Variants in ZNF729 observed in about 807,000 individuals in gnomAD.
ZNF729 encodes zinc finger protein 729.
In ZNF729, 15 loss-of-function variants were observed where a neutral mutation model predicts 12.2. That is an observed-to-expected ratio of 1.23 (90% CI 0.82 to 1.89). The LOEUF is 1.89. ZNF729 is among the 40% of genes most tolerant of loss of function. ZNF729 has a pLI of 0.00. For missense variants in ZNF729, 1,540 were observed against 1,456.7 expected (o/e 1.06, Z -0.93); for synonymous variants, 492 against 476.3 (o/e 1.03, Z -0.43).
In ZNF729 at chr19:22,316,835, G is replaced by C. The variant is rs1968552898; in HGVS notation, c.3418G>C (p.Ala1140Pro). 6.2e-7 allele frequency: 1 copy of C among 1,613,012 alleles called. No homozygotes were observed. The highest frequency in any genetic ancestry group is 1.3e-5 in the African/African-American group (1 of 74,912). The change falls in exon 4 of 4, where the codon GCC becomes CCC. Residue 1140 changes from alanine (A) to proline (P), a missense_variant. Transcript: ENST00000601693. The stretch of plus-strand genomic sequence containing the variant: ...CTACAAATGTGAAGAATGTGGCAAA[G>C]CCTTTAGTCAGTCCTCAATCCTTAC... The part of the protein sequence containing the change: ...KPYKCEECGK[A>P]FSQSSILTKH...
At chr19:22,308,280 G>A (rs1418291405) in intron 3 of ZNF729, among the ~76,000 whole-genome samples, 1 of 152,096 alleles carries the variant, frequency 6.6e-6, no homozygotes, top group East Asian at 1.9e-4. Flanking sequence ...TAGGCAATGG[G>A]CATTTGGGTT....
intron 1 of ZNF729, among the ~76,000 whole-genome samples, chr19:22,289,083 G>A (rs537608241): frequency 3.6e-5 from 5 of 139,764 alleles, no homozygotes; most frequent in South Asian, 4.3e-4. Context: ...AGATTTGGTC[G>A]CTTATTTTGA....
chr19:22,292,249 T>C (rs907682161), intron 1 of ZNF729, among the ~76,000 whole-genome samples: 4 of 152,174 alleles, frequency 2.6e-5, no homozygotes, highest in African/African-American at 9.6e-5. Flanking sequence ...TTTGTGTCCA[T>C]GTGTTATTAT....
At chr19:22,313,616 G>A in intron 3 of ZNF729, 55 bp from the exon 4 acceptor site, 1 of 1,385,004 alleles carries the variant, frequency 7.2e-7, no homozygotes, top group Non-Finnish European at 9.4e-7. Flanking sequence ...GATTTGTAAA[G>A]TATATTCATC....
chr19:22,304,265 T>C (rs1221894080), intron 2 of ZNF729, among the ~76,000 whole-genome samples: 2 of 152,288 alleles, frequency 1.3e-5, no homozygotes, highest in East Asian at 1.9e-4. Context: ...GGTCTTGATC[T>C]GTTGGCCTTG....
At chr19:22,304,414 T>C (rs1968353786) in intron 2 of ZNF729, among the ~76,000 whole-genome samples, 2 of 152,170 alleles carry the variant, frequency 1.3e-5, no homozygotes, top group Non-Finnish European at 1.5e-5. Flanking sequence ...TTTTTCACTC[T>C]AGATTAGTGG....
At chr19:22,289,880 C>CTAAT (rs60506042) in intron 1 of ZNF729, among the ~76,000 whole-genome samples, 3,792 of 152,184 alleles carry the variant, frequency 0.025, 151 homozygotes, top group African/African-American at 0.087. Flanking sequence ...TCCCATATGA[C>CTAAT]TGTTTACTAC....
chr19:22,314,694 A>G lies in ZNF729; in HGVS notation c.1277A>G (p.His426Arg). 6.2e-7 allele frequency: 1 copy of G among 1,613,106 alleles called. No individual in the cohort carries two copies. The highest frequency in any genetic ancestry group is 8.5e-7 in the Non-Finnish European group (1 of 1,179,852). ...ACCCTTAAAAAACATAAGATAATTCATACTGGAAAGAAACCCTACAAATGT... is the reference window on the plus strand; with the variant it reads ...ACCCTTAAAAAACATAAGATAATTCGTACTGGAAAGAAACCCTACAAATGT... The part of the protein sequence containing the change: ...FSTLKKHKII[H>R]TGKKPYKCEE... Residue 426 changes from histidine to arginine, a missense_variant, in exon 4 of 4, where the codon CAT becomes CGT. Coordinates refer to ENST00000601693, the MANE Select transcript of ZNF729 (RefSeq NM_001242680.2).
chr19:22,286,660 T>C, intron 1 of ZNF729, 105 bp downstream of exon 1: 1 of 1,414,996 alleles, frequency 7.1e-7, no homozygotes, highest in Non-Finnish European at 1.0e-6. Context: ...AGCTCCACAA[T>C]CTGCGCCTGG....
chr19:22,299,688 T>C (rs78829247), intron 1 of ZNF729: 3,801 of 152,874 alleles, frequency 0.025, 154 homozygotes, highest in African/African-American at 0.087. Flanking sequence ...AGTGAGAAAT[T>C]TTGGAGCTAT....
At chr19:22,291,987 C>T (rs1031245751) in intron 1 of ZNF729, among the ~76,000 whole-genome samples, 1 of 152,070 alleles carries the variant, frequency 6.6e-6, no homozygotes, top group African/African-American at 2.4e-5. Context: ...CCACCTCAGC[C>T]TCTCAAAGTG....
intron 1 of ZNF729, among the ~76,000 whole-genome samples, chr19:22,296,696 G>A (rs1037518020): frequency 1.3e-5 from 2 of 151,974 alleles, no homozygotes; most frequent in Admixed American, 1.3e-4. Context: ...TATTTATGAT[G>A]TTAGGTTGTT....
At chr19:22,293,816 A>G (rs1271836191) in intron 1 of ZNF729, among the ~76,000 whole-genome samples, 1 of 152,050 alleles carries the variant, frequency 6.6e-6, no homozygotes, top group Admixed American at 6.6e-5. Flanking sequence ...CCTTTTAAGG[A>G]GGTCGTTTGT....
intron 2 of ZNF729, among the ~76,000 whole-genome samples, 151 bp downstream of exon 2, chr19:22,304,035 ATTTT>A (rs34014506): frequency 7.7e-6 from 1 of 129,432 alleles, no homozygotes; most frequent in South Asian, 2.5e-4. Flanking sequence ...GTAGAAAGGA[ATTTT>A]TTTTTTTTTT....
intron 3 of ZNF729, among the ~76,000 whole-genome samples, chr19:22,308,816 G>C (rs1056120602): frequency 1.3e-5 from 2 of 151,892 alleles, no homozygotes; most frequent in African/African-American, 2.4e-5. Flanking sequence ...CTACTCTGTG[G>C]GTTGTCTGTT....
intron 1 of ZNF729, among the ~76,000 whole-genome samples, chr19:22,287,149 G>A: frequency 6.6e-6 from 1 of 151,862 alleles, no homozygotes; most frequent in East Asian, 1.9e-4. Flanking sequence ...GTACAATCAA[G>A]ATGGAAATTT....
chr19:22,301,145 G>T (rs1467793082), intron 1 of ZNF729, among the ~76,000 whole-genome samples: 1 of 152,072 alleles, frequency 6.6e-6, no homozygotes, highest in Admixed American at 6.6e-5. Flanking sequence ...AAAACTTAAT[G>T]GTGTATATCC....
chr19:22,314,578 G>T lies in ZNF729; in HGVS notation c.1161G>T (p.Trp387Cys), dbSNP rs756350745. ...KCEECGKAFK[W>C]SSKLTVHKVV... ...AAGAATGTGGTAAAGCTTTTAAGTG[G>T]TCTTCAAAACTTACTGTACATAAGG... The change falls in exon 4 of 4, where the codon TGG (tryptophan) becomes TGT (cysteine). Residue 387 changes from tryptophan (W) to cysteine (C), a missense_variant. By Grantham distance (215) the Trp-to-Cys change is radical. Coordinates refer to ENST00000601693, the MANE Select transcript of ZNF729 (RefSeq NM_001242680.2). The T allele has an allele frequency of 1.2e-6, 2 of 1,609,482 alleles. No individual in the cohort carries two copies. The highest frequency in any genetic ancestry group is 1.7e-5 in the Admixed American group (1 of 59,734).
intron 3 of ZNF729, among the ~76,000 whole-genome samples, chr19:22,306,340 G>C (rs1968376783): frequency 6.6e-6 from 1 of 151,572 alleles, no homozygotes; most frequent in Non-Finnish European, 1.5e-5. Flanking sequence ...TCAGGAGGCT[G>C]AGGCAGGAGA....
Sources: gnomAD v4.1 joint callset for allele counts (sites outside exome capture counted in the v4.1 genomes callset) on GRCh38, gnomAD v4.1.1 for gene constraint, MANE v1.5 for transcripts, NCBI Gene and HGNC (gene_info 2026-07-23, HGNC 2026-07-21) for gene names.